The following LONRF1 variants were observed in gnomAD, a reference collection of about 807,000 sequenced individuals.
LONRF1 encodes LON peptidase N-terminal domain and ring finger 1.
In LONRF1, 37 loss-of-function variants were observed where a neutral mutation model predicts 85.8. The observed-to-expected ratio is 0.43, with a 90% CI of 0.33 to 0.57. The LOEUF is 0.57. Among genes scored for constraint, LONRF1 ranks in the 20% least tolerant of loss-of-function variants. LONRF1 has a pLI of 0.04. For missense variants in LONRF1, 1,036 were observed against 978.0 expected (o/e 1.06, Z -0.79); for synonymous variants, 517 against 390.1 (o/e 1.33, Z -3.83).
At chr8:12,734,287 C>T (rs1798637200) in intron 7 of LONRF1, among the ~76,000 whole-genome samples, 1 of 152,096 alleles carries the variant, frequency 6.6e-6, no homozygotes, top group South Asian at 2.1e-4. Context: ...ATATGTAAGA[C>T]ACATATCAAA....
chr8:12,741,127 T>A, intron 2 of LONRF1, 131 bp from the exon 3 acceptor site: 1 of 883,356 alleles, frequency 1.1e-6, no homozygotes. Context: ...CTCACGCCTG[T>A]AATCCCAGCA....
At chr8:12,725,609 G>C in intron 11 of LONRF1, 118 bp downstream of exon 11, 3 of 949,702 alleles carry the variant, frequency 3.2e-6, no homozygotes, top group Non-Finnish European at 3.2e-6. Flanking sequence ...CTGGTGCGGG[G>C]GAGGGGACAG....
At position 12,737,349 on chromosome 8, in the gene LONRF1, G is replaced by A. The variant is rs866759092; in HGVS notation, c.1114-209C>T. The A allele has an allele frequency of 2.0e-5, 14 of 705,550 alleles. 1 individual carries two copies. The Middle Eastern group carries it at 3.2e-3, about 163-fold the overall frequency. 43.7% of individuals were successfully genotyped at this position (705,550 alleles called of 1,614,324 possible). A position where few individuals can be genotyped will look rare whatever the true frequency, so the allele number is the denominator to read the frequency against. ...CCGTATCCACAGGCTCTGCATCCGT[G>A]GGTTCATCCAACTGGGGATAGAAAA... On this transcript the variant is annotated intron_variant, in intron 4 of 11. Transcript: ENST00000398246.
rs1401656687 is a variant in LONRF1, at chr8:12,743,157, AT to A, written c.840+6del. 6 of 1,567,846 alleles carry A rather than the reference AT, an allele frequency of 3.8e-6. No individual in the cohort carries two copies. The highest frequency in any genetic ancestry group is 5.3e-6 in the Non-Finnish European group (6 of 1,138,930). Reference sequence around the variant, plus strand: ...CAATTTATGCAAACATAAAACAGTAATTTTACCTCAGGCCAATCTGGAAGTT... The same window carrying A: ...CAATTTATGCAAACATAAAACAGTAATTTACCTCAGGCCAATCTGGAAGTT... On this transcript the variant is annotated splice_donor_region_variant and intron_variant, in intron 2 of 11. Transcript: ENST00000398246.
chr8:12,742,870 CACAA>C (rs773661728), intron 2 of LONRF1, among the ~76,000 whole-genome samples: 242 of 152,140 alleles, frequency 1.6e-3, no homozygotes, highest in Non-Finnish European at 2.8e-3. Context: ...GGACTACAGG[CACAA>C]ACAACCATGC....
chr8:12,727,454 A>G (rs183735480), intron 10 of LONRF1: 98 of 106,616 alleles, frequency 9.2e-4, no homozygotes, highest in Non-Finnish European at 1.3e-3. Flanking sequence ...AGAATGGACA[A>G]GAAAATCATT....
At chr8:12,742,214 C>T (rs749385571) in intron 2 of LONRF1, among the ~76,000 whole-genome samples, 7 of 152,158 alleles carry the variant, frequency 4.6e-5, no homozygotes, top group East Asian at 1.9e-4. Flanking sequence ...CATGAGATTT[C>T]GTATCATTTC....
Position 12,724,271 on chromosome 8 carries a change from G to C in LONRF1, c.2164-1017C>G, listed in dbSNP as rs117655621. Among the ~76,000 whole-genome samples the C allele has an allele frequency of 1.6e-3, 244 of 152,304 alleles. 6 individuals carry two copies. In the East Asian group the frequency reaches 0.039, roughly 24 times the overall value. On this transcript the variant is annotated intron_variant, in intron 11 of 11. Transcript: ENST00000398246. ...GGAAGAGAAGCCATTATCCTCTGAA[G>C]ATTGTTGCAAAGTGTGGGCAGGAAC...
intron 1 of LONRF1, among the ~76,000 whole-genome samples, chr8:12,752,499 A>T (rs1444872884): frequency 2.0e-5 from 3 of 152,252 alleles, no homozygotes; most frequent in African/African-American, 7.2e-5. Flanking sequence ...AGAACTAAAA[A>T]TGAGGAAAAA....
intron 1 of LONRF1, among the ~76,000 whole-genome samples, chr8:12,751,306 T>TTTTTG (rs1563160693): frequency 9.6e-6 from 1 of 104,602 alleles, no homozygotes; most frequent in Non-Finnish European, 2.2e-5. Flanking sequence ...GTTTTTTTTT[T>TTTTTG]TTTTTTTTTT....
At chr8:12,748,805 C>T (rs1799265243) in intron 1 of LONRF1, among the ~76,000 whole-genome samples, 1 of 37,662 alleles carries the variant, frequency 2.7e-5, no homozygotes. Context: ...ACCAGAATAT[C>T]AATTTTTTTT....
At chr8:12,743,343 A>G (rs1799015579) in intron 1 of LONRF1, 61 bp from the exon 2 acceptor site, 1 of 1,015,440 alleles carries the variant, frequency 9.8e-7, no homozygotes, top group Non-Finnish European at 1.5e-6. Context: ...TAATCTACAA[A>G]ATATGATCAT....
In LONRF1 at chr8:12,731,859, TAA is replaced by T; in HGVS notation, c.1567-4_1567-3del. The stretch of plus-strand genomic sequence containing the variant: ...ACAGTACCTCCTATCTGCTAGATAC[TAA>T]AAGACAATATTATTTTACATTCCAG... On this transcript the variant is annotated splice_polypyrimidine_tract_variant and splice_region_variant and intron_variant, in intron 7 of 11. Transcript: ENST00000398246. 1 of 1,606,834 alleles carries T rather than the reference TAA, an allele frequency of 6.2e-7. No individual in the cohort carries two copies. Among genetic ancestry groups the T allele is most frequent in the East Asian group, 2.2e-5 (1 of 44,810 alleles).
intron 1 of LONRF1, among the ~76,000 whole-genome samples, chr8:12,747,934 G>A (rs957401714): frequency 1.3e-5 from 2 of 152,024 alleles, no homozygotes; most frequent in African/African-American, 4.8e-5. Context: ...TATGTGTAAA[G>A]TACATTTTTA....
intron 1 of LONRF1, among the ~76,000 whole-genome samples, chr8:12,751,298 T>TTTTTTTTTTTTTGTG (rs1799383883): frequency 1.2e-5 from 1 of 82,168 alleles, no homozygotes; most frequent in African/African-American, 3.9e-5. Flanking sequence ...ATTTTTATGT[T>TTTTTTTTTTTTTGTG]TTTTTTTTTT....
At chr8:12,743,347 T>C (rs917206256) in intron 1 of LONRF1, 65 bp from the exon 2 acceptor site, 53 of 986,768 alleles carry the variant, frequency 5.4e-5, no homozygotes, top group African/African-American at 8.3e-5. Context: ...CTACAAAATA[T>C]GATCATACCA....
rs768034159 is a variant in LONRF1 at position 12,736,979 on chromosome 8, C to G, written c.1275G>C (p.Leu425=). The part of the protein sequence containing the change: ...PVLSVQEKGV[L]LKRKLSLLEQ... Reference sequence around the variant, plus strand: ...CTAAAAGAGACAACTTTCTTTTCAGCAGAACACCTTTTTCTTGAACTGACA... The same window carrying G: ...CTAAAAGAGACAACTTTCTTTTCAGGAGAACACCTTTTTCTTGAACTGACA... Residue 425 remains leucine (L), a synonymous_variant, in exon 5 of 12, where the codon CTG becomes CTC. Transcript: ENST00000398246. 2 of 1,613,514 alleles carry G rather than the reference C, an allele frequency of 1.2e-6. No homozygotes were observed. Among genetic ancestry groups the G allele is most frequent in the Non-Finnish European group, 1.7e-6 (2 of 1,179,670 alleles).
rs1177708791 is a variant in LONRF1, at chr8:12,722,483, T to C, written c.*613A>G. The C allele has an allele frequency of 6.5e-6, 1 of 152,672 alleles. No homozygotes were observed. Among genetic ancestry groups the C allele is most frequent in the African/African-American group, 2.4e-5 (1 of 41,466 alleles). 9.5% of individuals were successfully genotyped at this position (152,672 alleles called of 1,614,324 possible). A position where few individuals can be genotyped will look rare whatever the true frequency, so the allele number is the denominator to read the frequency against. ...TGTCGGCCACTGTGATGCAAGTATT[T>C]ACATAAATAAGAAACTGTGTCATAG... is the stretch of plus-strand genomic sequence containing the variant. On this transcript the variant is annotated 3_prime_UTR_variant, in exon 12 of 12. Coordinates refer to ENST00000398246, the MANE Select transcript of LONRF1 (RefSeq NM_152271.5).
chr8:12,753,420 G>C lies in LONRF1; in HGVS notation c.721+1280C>G, dbSNP rs1799488870. 2.0e-5 allele frequency: 3 copies of C among 152,116 alleles called. No homozygotes were observed. In the South Asian group the frequency reaches 6.2e-4, roughly 32 times the overall value. The allele number at this position is 152,116 out of a possible 1,614,324, so 9.4% of individuals were successfully genotyped here. On this transcript the variant is annotated intron_variant, in intron 1 of 11. Transcript: ENST00000398246. ...ATTCCCCTATCATTTCATGCCAATG[G>C]ATAGACACTAAGATCTTGAAATACG...
Sources: allele counts gnomAD v4.1 joint callset (sites outside exome capture counted in the v4.1 genomes callset), GRCh38; gene constraint gnomAD v4.1.1; transcripts MANE v1.5; gene names NCBI Gene and HGNC (gene_info 2026-07-23, HGNC 2026-07-21).